The following ST6GALNAC3 variants were observed in gnomAD, a reference collection of about 807,000 sequenced individuals.
ST6GALNAC3 encodes alpha-N-acetylgalactosaminide alpha-2,6-sialyltransferase 3.
Under a neutral mutation model 32.7 loss-of-function variants are expected in ST6GALNAC3, and 25 were observed. The observed-to-expected ratio is 0.76, with a 90% CI of 0.56 to 1.07. ST6GALNAC3 has a LOEUF of 1.07. ST6GALNAC3 is among the 50% of genes least tolerant of loss of function. ST6GALNAC3 has a pLI of 0.00. For missense variants in ST6GALNAC3, 355 were observed against 382.4 expected (o/e 0.93, Z 0.60); for synonymous variants, 129 against 133.1 (o/e 0.97, Z 0.21).
chr1:76,485,454 G>A (rs1244661892), intron 3 of ST6GALNAC3, among the ~76,000 whole-genome samples: 3 of 152,114 alleles, frequency 2.0e-5, no homozygotes, highest in Non-Finnish European at 4.4e-5. Flanking sequence ...GTCTTGGGAG[G>A]ATGTATGTGT....
At chr1:76,216,705 T>C (rs1655485569) in intron 1 of ST6GALNAC3, among the ~76,000 whole-genome samples, 1 of 152,208 alleles carries the variant, frequency 6.6e-6, no homozygotes. Context: ...TTGAGTGAAA[T>C]CCAATGTGGA....
chr1:76,413,203 A>G (rs1654388446), intron 3 of ST6GALNAC3, among the ~76,000 whole-genome samples: 2 of 152,090 alleles, frequency 1.3e-5, no homozygotes, highest in East Asian at 1.9e-4. Flanking sequence ...ATTGTGTGCC[A>G]TGTTTTCTTT....
intron 3 of ST6GALNAC3, among the ~76,000 whole-genome samples, chr1:76,598,277 G>T (rs1021998085): frequency 1.3e-5 from 2 of 152,090 alleles, no homozygotes; most frequent in African/African-American, 4.8e-5. Flanking sequence ...TAAACATTCA[G>T]CCTATAGCCA....
intron 1 of ST6GALNAC3, among the ~76,000 whole-genome samples, chr1:76,269,637 A>T (rs897915925): frequency 1.3e-5 from 2 of 152,224 alleles, no homozygotes; most frequent in Non-Finnish European, 2.9e-5. Context: ...TTTGGTAGGT[A>T]TCCAGTTATA....
intron 3 of ST6GALNAC3, among the ~76,000 whole-genome samples, chr1:76,489,853 T>C (rs1660378856): frequency 6.6e-6 from 1 of 152,172 alleles, no homozygotes; most frequent in South Asian, 2.1e-4. Flanking sequence ...GCCTGGCGTA[T>C]AGTTCCAGTT....
intron 1 of ST6GALNAC3, among the ~76,000 whole-genome samples, chr1:76,234,305 C>T (rs150509570): frequency 1.3e-5 from 2 of 152,308 alleles, no homozygotes; most frequent in African/African-American, 4.8e-5. Flanking sequence ...TGAGATCCCA[C>T]CTCTTTGGTT....
rs1379334916 is a variant in ST6GALNAC3 at position 76,619,996 on chromosome 1, A to G, written c.624-7456A>G. Among the ~76,000 whole-genome samples, 4 of 152,148 alleles carry G rather than the reference A, an allele frequency of 2.6e-5. No homozygotes were observed. In the South Asian group the frequency reaches 6.2e-4, roughly 24 times the overall value. ...TCTTTCCCCAGTATTCCCATAGCAC[A>G]TGCAGGGGAATTACCTCCTGAATAG... On this transcript the variant is annotated intron_variant, in intron 3 of 4. Coordinates refer to ENST00000328299, the MANE Select transcript of ST6GALNAC3 (RefSeq NM_152996.4).
intron 1 of ST6GALNAC3, among the ~76,000 whole-genome samples, chr1:76,178,450 A>C (rs570291037): frequency 3.3e-5 from 5 of 152,194 alleles, no homozygotes; most frequent in Non-Finnish European, 7.3e-5. Flanking sequence ...TTCAAGTTAC[A>C]AGTTGTAGCT....
chr1:76,157,092 G>GTGCTTCTGGT (rs71588866), intron 1 of ST6GALNAC3, among the ~76,000 whole-genome samples: 19,531 of 152,096 alleles, frequency 0.13, 1,603 homozygotes, highest in Non-Finnish European at 0.19. Context: ...AGGTGTGCTG[G>GTGCTTCTGGT]TGCTTCTGGT....
intron 1 of ST6GALNAC3, among the ~76,000 whole-genome samples, chr1:76,106,219 T>C (rs182742242): frequency 6.6e-6 from 1 of 152,198 alleles, no homozygotes; most frequent in African/African-American, 2.4e-5. Flanking sequence ...CAATGGGAAA[T>C]TTTTTCTTTT....
intron 3 of ST6GALNAC3, among the ~76,000 whole-genome samples, chr1:76,581,257 GT>G (rs992521160): frequency 2.0e-5 from 3 of 151,958 alleles, no homozygotes; most frequent in South Asian, 4.2e-4. Flanking sequence ...TTAAAGCCTT[GT>G]TTTTTACTAA....
chr1:76,426,606 G>A (rs1485842017), intron 3 of ST6GALNAC3, among the ~76,000 whole-genome samples: 7 of 151,210 alleles, frequency 4.6e-5, no homozygotes, highest in Non-Finnish European at 7.4e-5. Flanking sequence ...GAGAGAGAGA[G>A]AATGCCCTCT....
At chr1:76,450,409 T>C (rs1657307785) in intron 3 of ST6GALNAC3, among the ~76,000 whole-genome samples, 1 of 152,190 alleles carries the variant, frequency 6.6e-6, no homozygotes, top group Non-Finnish European at 1.5e-5. Context: ...CTTAGCCCAC[T>C]TTTTGATGAG....
intron 3 of ST6GALNAC3, among the ~76,000 whole-genome samples, chr1:76,514,280 G>T (rs1029644172): frequency 2.6e-5 from 4 of 152,126 alleles, no homozygotes; most frequent in Admixed American, 1.3e-4. Context: ...ATCACGAAGG[G>T]TGTTGAATAT....
chr1:76,174,259 C>G (rs1167605718), intron 1 of ST6GALNAC3, among the ~76,000 whole-genome samples: 4 of 152,080 alleles, frequency 2.6e-5, no homozygotes, highest in African/African-American at 9.7e-5. Flanking sequence ...TAAGTGGGAG[C>G]TGAACATTGT....
chr1:76,440,766 T>C (rs1162710357), intron 3 of ST6GALNAC3, among the ~76,000 whole-genome samples: 1 of 152,024 alleles, frequency 6.6e-6, no homozygotes, highest in Admixed American at 6.6e-5. Flanking sequence ...AAAAAACGGA[T>C]TTTTCTTCAG....
chr1:76,285,625 A>ATT (rs35148588), intron 1 of ST6GALNAC3, among the ~76,000 whole-genome samples: 5 of 151,774 alleles, frequency 3.3e-5, no homozygotes, highest in Admixed American at 6.6e-5. Context: ...ATGTTTTCAT[A>ATT]TTTTTTTCTA....
In ST6GALNAC3 at chr1:76,173,278, C is replaced by T. The variant is rs181709046; in HGVS notation, c.18+98394C>T. 5.7e-3 allele frequency among the ~76,000 whole-genome samples: 868 copies of T among 152,218 alleles called. 7 individuals carry two copies. The highest frequency in any genetic ancestry group is 0.02 in the African/African-American group (812 of 41,518). ...AAATGGTGCTGGGAAAACTGGCTAGCCATATGCAGAAAACTGAAGCTGGAC... is the reference window on the plus strand; with the variant it reads ...AAATGGTGCTGGGAAAACTGGCTAGTCATATGCAGAAAACTGAAGCTGGAC... On this transcript the variant is annotated intron_variant, in intron 1 of 4. Transcript: ENST00000328299.
intron 3 of ST6GALNAC3, among the ~76,000 whole-genome samples, chr1:76,459,049 T>C (rs1658081620): frequency 6.6e-6 from 1 of 152,198 alleles, no homozygotes; most frequent in South Asian, 2.1e-4. Flanking sequence ...AAGATATGTG[T>C]ATTCCTTTTG....
Sources: gnomAD v4.1 joint callset for allele counts (sites outside exome capture counted in the v4.1 genomes callset) on GRCh38, gnomAD v4.1.1 for gene constraint, MANE v1.5 for transcripts, NCBI Gene and HGNC (gene_info 2026-07-23, HGNC 2026-07-21) for gene names.